The following UTRN variants were observed in gnomAD, a reference collection of about 807,000 sequenced individuals.
UTRN encodes dystrophin-related protein 1.
In UTRN, 283 loss-of-function variants were observed where a neutral mutation model predicts 463.9. The observed-to-expected ratio is 0.61, with a 90% confidence interval of 0.55 to 0.67. UTRN has a LOEUF of 0.67. Among genes scored for constraint, UTRN ranks in the 30% least tolerant of loss-of-function variants. The pLI is 0.00. For missense variants in UTRN, 3,922 were observed against 4,084.3 expected, an observed-to-expected ratio of 0.96 and a Z score of 1.08; for synonymous variants, 1,442 against 1,431.5, an observed-to-expected ratio of 1.01 and a Z score of -0.17.
chr6:144,798,447 C>T lies in UTRN; in HGVS notation c.9245+457C>T, dbSNP rs74878951. Among the ~76,000 whole-genome samples the T allele has an allele frequency of 2.8e-3, 419 of 152,208 alleles. 4 individuals are homozygous for T. The highest frequency in any genetic ancestry group is 9.1e-3 in the African/African-American group (377 of 41,522). On this transcript the variant is annotated intron_variant, in intron 64 of 74. Transcript: ENST00000367545. ...AAGTTTGATGTGAAGTACATTAACC[C>T]GACTTCTTCCCATGAGGAGCACTGC...
chr6:144,501,728 T>G (rs1449010863), intron 34 of UTRN, among the ~76,000 whole-genome samples: 2 of 152,318 alleles, frequency 1.3e-5, no homozygotes, highest in East Asian at 3.9e-4. Context: ...TATCATACAT[T>G]CATAATTATT....
At chr6:144,564,812 T>C (rs949220177) in intron 50 of UTRN, among the ~76,000 whole-genome samples, 1 of 152,086 alleles carries the variant, frequency 6.6e-6, no homozygotes, top group African/African-American at 2.4e-5. Context: ...GATATAGGGG[T>C]TATAATTCAA....
At chr6:144,494,270 G>C (rs1793363810) in intron 33 of UTRN, among the ~76,000 whole-genome samples, 1 of 152,048 alleles carries the variant, frequency 6.6e-6, no homozygotes, top group African/African-American at 2.4e-5. Context: ...CTTCCTTCTG[G>C]TGGGTTCATG....
chr6:144,385,600 G>T lies in UTRN; in HGVS notation c.80-17523G>T, dbSNP rs527476389. On this transcript the variant is annotated intron_variant, in intron 2 of 74. Transcript: ENST00000367545. ...TGAAGATATAATTAGCAAGTTTGCAGTACCCAGTGATAGTATAGACTGAAT... is the reference window on the plus strand; with the variant it reads ...TGAAGATATAATTAGCAAGTTTGCATTACCCAGTGATAGTATAGACTGAAT... 7.2e-5 allele frequency among the ~76,000 whole-genome samples: 11 copies of T among 152,126 alleles called. No individual in the cohort carries two copies. The South Asian group carries it at 2.3e-3, about 31-fold the overall frequency.
intron 2 of UTRN, among the ~76,000 whole-genome samples, chr6:144,314,596 G>T (rs1435263396): frequency 6.6e-6 from 1 of 152,178 alleles, no homozygotes; most frequent in Non-Finnish European, 1.5e-5. Flanking sequence ...TTTCAGAAAG[G>T]CTATGGCCCA....
intron 51 of UTRN, among the ~76,000 whole-genome samples, chr6:144,602,411 T>C (rs1804354593): frequency 6.6e-6 from 1 of 152,104 alleles, no homozygotes; most frequent in South Asian, 2.1e-4. Flanking sequence ...AGTGCTGGAA[T>C]TACAGGCGTG....
At chr6:144,715,661 C>T (rs1452514063) in intron 53 of UTRN, among the ~76,000 whole-genome samples, 3 of 150,914 alleles carry the variant, frequency 2.0e-5, no homozygotes, top group South Asian at 4.2e-4. Context: ...TCCCTCTGAG[C>T]ACTCCTTCTC....
At chr6:144,686,962 A>G (rs1395881568) in intron 52 of UTRN, among the ~76,000 whole-genome samples, 2 of 151,986 alleles carry the variant, frequency 1.3e-5, no homozygotes, top group African/African-American at 4.8e-5. Context: ...TTATTGTGTT[A>G]TTGTTTTATA....
chr6:144,474,803 G>T (rs1178106141), intron 25 of UTRN, 44 bp downstream of exon 25: 1 of 1,585,306 alleles, frequency 6.3e-7, no homozygotes. Context: ...AGGAGATGTA[G>T]ACTGTAGCTT....
Position 144,677,162 on chromosome 6 carries a change from A to G in UTRN, c.7480-1244A>G, listed in dbSNP as rs1585945719. Among the ~76,000 whole-genome samples, 3 of 152,172 alleles carry G rather than the reference A, an allele frequency of 2.0e-5. No homozygotes were observed. In the South Asian group the frequency reaches 6.2e-4, roughly 31 times the overall value. ...TGTGCTGAACGTGCAGGTTTGTTCC[A>G]TAGGTGTACATGTGACATGGTGGTT... On this transcript the variant is annotated intron_variant, in intron 51 of 74. Coordinates refer to ENST00000367545, the MANE Select transcript of UTRN (RefSeq NM_007124.3).
chr6:144,774,022 T>G (rs1775083920), intron 59 of UTRN, among the ~76,000 whole-genome samples: 1 of 152,228 alleles, frequency 6.6e-6, no homozygotes, highest in Admixed American at 6.5e-5. Flanking sequence ...TTCAAAGTAC[T>G]CAACCCACCA....
At chr6:144,540,175 G>A (rs1460099854) in intron 45 of UTRN, among the ~76,000 whole-genome samples, 1 of 151,760 alleles carries the variant, frequency 6.6e-6, no homozygotes, top group Non-Finnish European at 1.5e-5. Flanking sequence ...AAATGTAATG[G>A]CATGTGACTA....
At chr6:144,348,549 G>A (rs1172693873) in intron 2 of UTRN, among the ~76,000 whole-genome samples, 1 of 152,182 alleles carries the variant, frequency 6.6e-6, no homozygotes, top group East Asian at 1.9e-4. Context: ...AAATGAGTAG[G>A]TGGTTAGGAA....
chr6:144,721,715 G>C lies in UTRN; in HGVS notation c.7810-8642G>C, dbSNP rs150838434. Among the ~76,000 whole-genome samples, 881 of 152,204 alleles carry C rather than the reference G, an allele frequency of 5.8e-3. 6 individuals carry two copies. Among genetic ancestry groups the C allele is most frequent in the African/African-American group, 0.018 (759 of 41,516 alleles). On this transcript the variant is annotated intron_variant, in intron 53 of 74. Transcript: ENST00000367545. ...TCAAAATTCAGTTTTTGGGATTTTG[G>C]AATATTTGTGTATCCATAATGAGAT... is the stretch of plus-strand genomic sequence containing the variant.
intron 54 of UTRN, among the ~76,000 whole-genome samples, chr6:144,747,994 T>C (rs1485828179): frequency 1.3e-5 from 2 of 152,172 alleles, no homozygotes. Flanking sequence ...ATATTAAAGT[T>C]CAAAAACCGG....
intron 51 of UTRN, among the ~76,000 whole-genome samples, chr6:144,623,838 A>G (rs1376847205): frequency 6.6e-6 from 1 of 152,206 alleles, no homozygotes; most frequent in Non-Finnish European, 1.5e-5. Flanking sequence ...AGACAGGAAG[A>G]TGAAAAATAC....
At chr6:144,437,114 G>A (rs1298625383) in intron 10 of UTRN, among the ~76,000 whole-genome samples, 7 of 151,478 alleles carry the variant, frequency 4.6e-5, no homozygotes, top group African/African-American at 7.3e-5. Context: ...CACCACGCCC[G>A]GCTAATTTTT....
intron 69 of UTRN, among the ~76,000 whole-genome samples, chr6:144,831,711 C>T (rs1780688960): frequency 6.6e-6 from 1 of 152,108 alleles, no homozygotes; most frequent in South Asian, 2.1e-4. Context: ...GGACTCATGA[C>T]GGTTCTGGGG....
intron 50 of UTRN, 110 bp downstream of exon 50, chr6:144,557,421 A>G: frequency 1.9e-6 from 2 of 1,037,272 alleles, no homozygotes; most frequent in Non-Finnish European, 2.6e-6. Flanking sequence ...AGTACATTTT[A>G]TTATTATGTA....
Sources: allele counts gnomAD v4.1 joint callset (sites outside exome capture counted in the v4.1 genomes callset), GRCh38; gene constraint gnomAD v4.1.1; transcripts MANE v1.5; gene names NCBI Gene and HGNC (gene_info 2026-07-23, HGNC 2026-07-21).